Variants in R3HCC1L observed in about 807,000 individuals in gnomAD.
R3HCC1L encodes the protein coiled-coil domain-containing protein R3HCC1L.
R3HCC1L carries 51 observed loss-of-function variants against 59.9 expected under a neutral mutation model. The observed-to-expected ratio is 0.85, with a 90% CI of 0.68 to 1.07. R3HCC1L has a LOEUF of 1.07. Among genes scored for constraint, R3HCC1L ranks in the 50% least tolerant of loss-of-function variants. The pLI, the probability that R3HCC1L is intolerant of heterozygous loss-of-function variation, is 0.00. For missense variants in R3HCC1L, 965 were observed against 933.0 expected, an observed-to-expected ratio of 1.03 and a Z score of -0.45; for synonymous variants, 322 against 315.2, an observed-to-expected ratio of 1.02 and a Z score of -0.23.
chr10:98,237,377 A>G (rs1857076012), intron 9 of R3HCC1L, among the ~76,000 whole-genome samples: 1 of 152,190 alleles, frequency 6.6e-6, no homozygotes, highest in Admixed American at 6.5e-5. Context: ...AGTGATATCT[A>G]TAAAAGGGGA....
intron 1 of R3HCC1L, among the ~76,000 whole-genome samples, chr10:98,144,320 A>G (rs1335589994): frequency 6.6e-6 from 1 of 152,018 alleles, no homozygotes; most frequent in African/African-American, 2.4e-5. Flanking sequence ...GGTTCAAGCA[A>G]TTCTCCTGCC....
intron 4 of R3HCC1L, chr10:98,174,450 G>A: frequency 1.6e-6 from 1 of 621,496 alleles, no homozygotes; most frequent in Non-Finnish European, 2.0e-6. Context: ...TATTCCCAGG[G>A]ATAAAAGCAG....
chr10:98,231,327 A>G (rs1268632073), intron 5 of R3HCC1L, among the ~76,000 whole-genome samples, 185 bp from the exon 6 acceptor site: 2 of 152,202 alleles, frequency 1.3e-5, no homozygotes, highest in Admixed American at 6.5e-5. Flanking sequence ...TATGTATAGT[A>G]TAAACTGGGC....
At chr10:98,179,335 C>CTGTGGTTCTG in intron 4 of R3HCC1L, among the ~76,000 whole-genome samples, 1 of 152,074 alleles carries the variant, frequency 6.6e-6, no homozygotes, top group East Asian at 1.9e-4. Context: ...TGGTTTTTGT[C>CTGTGGTTCTG]TGTGGTTCTG....
intron 2 of R3HCC1L, among the ~76,000 whole-genome samples, chr10:98,156,424 A>G (rs1218538956): frequency 1.3e-5 from 2 of 152,124 alleles, no homozygotes; most frequent in Non-Finnish European, 2.9e-5. Flanking sequence ...ATTCGCTGGT[A>G]TTCCTTCACT....
chr10:98,179,200 T>C (rs1849369473), intron 4 of R3HCC1L, among the ~76,000 whole-genome samples: 1 of 152,218 alleles, frequency 6.6e-6, no homozygotes, highest in Non-Finnish European at 1.5e-5. Flanking sequence ...GCTGTGGGTT[T>C]GTCATAAATA....
At chr10:98,225,650 A>G (rs1411060466) in intron 5 of R3HCC1L, among the ~76,000 whole-genome samples, 7 of 152,204 alleles carry the variant, frequency 4.6e-5, no homozygotes, top group Admixed American at 1.3e-4. Flanking sequence ...TGTTTGTTTC[A>G]TGAAATGTAG....
intron 5 of R3HCC1L, among the ~76,000 whole-genome samples, chr10:98,220,076 T>G (rs981665701): frequency 6.6e-6 from 1 of 152,158 alleles, no homozygotes; most frequent in African/African-American, 2.4e-5. Flanking sequence ...TGTTTATTTA[T>G]TTTCTGACAG....
At chr10:98,214,697 G>A (rs1024002862) in intron 5 of R3HCC1L, among the ~76,000 whole-genome samples, 2 of 152,108 alleles carry the variant, frequency 1.3e-5, no homozygotes, top group Non-Finnish European at 2.9e-5. Context: ...CCATGAAAAC[G>A]TTCTTATTCC....
At chr10:98,225,899 G>A (rs1855618885) in intron 5 of R3HCC1L, among the ~76,000 whole-genome samples, 1 of 151,932 alleles carries the variant, frequency 6.6e-6, no homozygotes, top group Middle Eastern at 3.4e-3. Context: ...GGAGTGTAGT[G>A]GCACAGTCTT....
At chr10:98,217,573 A>G (rs1854359664) in intron 5 of R3HCC1L, among the ~76,000 whole-genome samples, 2 of 152,152 alleles carry the variant, frequency 1.3e-5, no homozygotes, top group Non-Finnish European at 2.9e-5. Context: ...GTATTTTGAT[A>G]GGGATTGCAT....
At chr10:98,213,667 C>A (rs142271264) in intron 5 of R3HCC1L, among the ~76,000 whole-genome samples, 1,738 of 152,076 alleles carry the variant, frequency 0.011, 41 homozygotes, top group African/African-American at 0.039. Flanking sequence ...TTTTCTATTC[C>A]ATTTTAAAAA....
intron 4 of R3HCC1L, among the ~76,000 whole-genome samples, chr10:98,202,540 A>C (rs1254313878): frequency 6.6e-6 from 1 of 152,070 alleles, no homozygotes; most frequent in African/African-American, 2.4e-5. Context: ...CAAACCTTAC[A>C]TAAGGAGCAT....
intron 9 of R3HCC1L, among the ~76,000 whole-genome samples, chr10:98,240,205 C>CTGAGG (rs1857382411): frequency 6.6e-6 from 1 of 152,162 alleles, no homozygotes; most frequent in South Asian, 2.1e-4. Flanking sequence ...ACTCAGCAGG[C>CTGAGG]TGAGGCAGGA....
intron 9 of R3HCC1L, among the ~76,000 whole-genome samples, chr10:98,239,602 A>G (rs1242407539): frequency 6.6e-6 from 1 of 152,148 alleles, no homozygotes; most frequent in South Asian, 2.1e-4. Flanking sequence ...GTTTTTCTTT[A>G]TAAAACCCAG....
intron 1 of R3HCC1L, among the ~76,000 whole-genome samples, chr10:98,150,377 T>G (rs576081014): frequency 6.6e-6 from 1 of 152,262 alleles, no homozygotes; most frequent in East Asian, 1.9e-4. Context: ...TATATTTGCA[T>G]TGAAGGATAG....
chr10:98,227,794 A>G (rs1276145208), intron 5 of R3HCC1L, among the ~76,000 whole-genome samples: 4 of 136,774 alleles, frequency 2.9e-5, no homozygotes, highest in East Asian at 4.2e-4. Context: ...AAGTGTTCTC[A>G]TTGTCCAATT....
At chr10:98,155,596 T>C (rs978021526) in intron 1 of R3HCC1L, among the ~76,000 whole-genome samples, 2 of 151,980 alleles carry the variant, frequency 1.3e-5, no homozygotes, top group African/African-American at 4.8e-5. Context: ...GAGTTTAAAA[T>C]AAACATGTTT....
At chr10:98,229,594 C>G (rs527767336) in intron 5 of R3HCC1L, among the ~76,000 whole-genome samples, 3 of 152,320 alleles carry the variant, frequency 2.0e-5, no homozygotes, top group African/African-American at 7.2e-5. Context: ...CCTGATTGCC[C>G]TAGCCAGAAC....
Sources: gnomAD v4.1 joint callset for allele counts (sites outside exome capture counted in the v4.1 genomes callset) on GRCh38, gnomAD v4.1.1 for gene constraint, MANE v1.5 for transcripts, NCBI Gene and HGNC (gene_info 2026-07-23, HGNC 2026-07-21) for gene names.